Variants in CNTNAP2 observed in about 807,000 individuals in gnomAD.
CNTNAP2 encodes the protein contactin-associated protein-like 2.
In CNTNAP2, 98 loss-of-function variants were observed where a neutral mutation model predicts 155.2. That is an observed-to-expected ratio of 0.63 (90% CI 0.54 to 0.75). The LOEUF is 0.75. Among genes scored for constraint, CNTNAP2 ranks in the 30% least tolerant of loss-of-function variants. The pLI is 0.00. For synonymous variants in CNTNAP2, 651 were observed against 631.2 expected (o/e 1.03, Z -0.47); for missense variants, 1,727 against 1,688.1 (o/e 1.02, Z -0.40).
intron 9 of CNTNAP2, among the ~76,000 whole-genome samples, chr7:147,370,139 A>G (rs1409807546): frequency 7.0e-6 from 1 of 142,668 alleles, no homozygotes; most frequent in African/African-American, 2.5e-5. Flanking sequence ...CTCTGTGTGC[A>G]TGAGAGTGTG....
chr7:147,291,051 T>G (rs1805297000), intron 8 of CNTNAP2, among the ~76,000 whole-genome samples: 1 of 152,154 alleles, frequency 6.6e-6, no homozygotes, highest in South Asian at 2.1e-4. Flanking sequence ...TTTCTCTCCC[T>G]CAGAAAGTTC....
intron 8 of CNTNAP2, among the ~76,000 whole-genome samples, chr7:147,264,207 AG>A (rs1223953734): frequency 6.6e-6 from 1 of 152,212 alleles, no homozygotes; most frequent in Non-Finnish European, 1.5e-5. Context: ...ACAATTATGC[AG>A]AGCCTGAAAT....
intron 1 of CNTNAP2, among the ~76,000 whole-genome samples, chr7:146,631,850 T>G (rs992770911): frequency 6.6e-6 from 1 of 152,186 alleles, no homozygotes; most frequent in African/African-American, 2.4e-5. Flanking sequence ...CAATACTCTC[T>G]TTTGTTGTTG....
chr7:146,599,748 A>AGATAGATAGAT (rs1422130791), intron 1 of CNTNAP2, among the ~76,000 whole-genome samples: 1 of 150,732 alleles, frequency 6.6e-6, no homozygotes, highest in African/African-American at 2.4e-5. Context: ...AGACAGAGAT[A>AGATAGATAGAT]GATAGATAGA....
intron 10 of CNTNAP2, among the ~76,000 whole-genome samples, chr7:147,472,584 A>G (rs552641654): frequency 2.0e-5 from 3 of 152,276 alleles, no homozygotes; most frequent in South Asian, 4.1e-4. Context: ...GAATTAAAGC[A>G]AGGCAAGATT....
rs371079606 is a variant in CNTNAP2, at chr7:147,971,726, G to T, written c.2256-6136G>T. Among the ~76,000 whole-genome samples the T allele has an allele frequency of 2.0e-5, 3 of 152,108 alleles. No homozygotes were observed. The South Asian group carries it at 6.2e-4, about 32-fold the overall frequency. ...GGCACTTGCGTGATTTCCACTTTGG[G>T]CCTCTTATGACTAAATCTGCTATAA... is the stretch of plus-strand genomic sequence containing the variant. On this transcript the variant is annotated intron_variant, in intron 14 of 23. Transcript: ENST00000361727.
chr7:147,139,814 C>T (rs1801558616), intron 8 of CNTNAP2, among the ~76,000 whole-genome samples: 1 of 152,030 alleles, frequency 6.6e-6, no homozygotes, highest in East Asian at 1.9e-4. Flanking sequence ...TTCTTAGTCT[C>T]TTTCCTTTCT....
At chr7:146,964,511 C>T (rs1360086098) in intron 3 of CNTNAP2, among the ~76,000 whole-genome samples, 1 of 152,114 alleles carries the variant, frequency 6.6e-6, no homozygotes, top group Non-Finnish European at 1.5e-5. Context: ...TCTTCCAGCA[C>T]TAAAACTGAC....
In CNTNAP2 at chr7:147,486,000, C is replaced by G; in HGVS notation, c.1736C>G (p.Thr579Ser). 1 of 1,614,090 alleles carries G rather than the reference C, an allele frequency of 6.2e-7. No homozygotes were observed. The highest frequency in any genetic ancestry group is 2.2e-5 in the East Asian group (1 of 44,880). ...CAAACATGGGACAGCTTCAAATGCA[C>G]TTGTGATGAGACAGGATACAGTGGG... is the stretch of plus-strand genomic sequence containing the variant. ...CSQTWDSFKC[T>S]CDETGYSGAT... Residue 579 changes from threonine to serine, a missense_variant, in exon 11 of 24, where the codon ACT becomes AGT. Physicochemically the swap from Thr to Ser is moderately conservative, Grantham distance 58. Coordinates refer to ENST00000361727, the MANE Select transcript of CNTNAP2 (RefSeq NM_014141.6).
intron 1 of CNTNAP2, among the ~76,000 whole-genome samples, chr7:146,239,337 C>T (rs954796798): frequency 2.6e-5 from 4 of 151,978 alleles, no homozygotes; most frequent in Admixed American, 2.0e-4. Flanking sequence ...TTTAGCATTC[C>T]GTGGATAAAA....
intron 1 of CNTNAP2, among the ~76,000 whole-genome samples, chr7:146,326,397 G>A (rs1456082583): frequency 6.6e-6 from 1 of 152,244 alleles, no homozygotes; most frequent in East Asian, 1.9e-4. Flanking sequence ...CTCTTTTCCT[G>A]AATGCTCCTG....
intron 13 of CNTNAP2, among the ~76,000 whole-genome samples, chr7:147,641,652 G>A (rs1035934769): frequency 1.3e-5 from 2 of 152,052 alleles, no homozygotes; most frequent in African/African-American, 4.8e-5. Flanking sequence ...ATTAAATGAG[G>A]TAGATCATAA....
intron 3 of CNTNAP2, among the ~76,000 whole-genome samples, chr7:146,955,597 T>C (rs1056579178): frequency 2.0e-5 from 3 of 152,052 alleles, no homozygotes; most frequent in African/African-American, 7.2e-5. Flanking sequence ...ATTGTAAATA[T>C]GATAAGTTTA....
intron 1 of CNTNAP2, among the ~76,000 whole-genome samples, chr7:146,471,359 CT>C (rs1342330012): frequency 2.0e-5 from 3 of 152,204 alleles, no homozygotes. Context: ...TCCTTATTAG[CT>C]TGTATGAGCT....
At chr7:146,294,314 C>G (rs574969358) in intron 1 of CNTNAP2, among the ~76,000 whole-genome samples, 23 of 152,278 alleles carry the variant, frequency 1.5e-4, no homozygotes, top group African/African-American at 5.3e-4. Flanking sequence ...GCCTACCCAG[C>G]CGGACTGCGC....
At chr7:147,675,978 G>A (rs567406060) in intron 13 of CNTNAP2, among the ~76,000 whole-genome samples, 41 of 152,112 alleles carry the variant, frequency 2.7e-4, no homozygotes, top group Non-Finnish European at 4.7e-4. Context: ...AGATAATAGC[G>A]TGCATTGTAA....
intron 4 of CNTNAP2, among the ~76,000 whole-genome samples, chr7:147,083,561 T>C (rs915850946): frequency 4.9e-5 from 7 of 143,954 alleles, no homozygotes; most frequent in African/African-American, 1.8e-4. Flanking sequence ...TATATATATA[T>C]ATACACATAT....
chr7:147,558,082 A>G (rs1799985643), intron 11 of CNTNAP2, among the ~76,000 whole-genome samples: 1 of 152,218 alleles, frequency 6.6e-6, no homozygotes, highest in South Asian at 2.1e-4. Context: ...AGACAAAATA[A>G]CATAACATAT....
At chr7:148,053,536 C>A in intron 15 of CNTNAP2, among the ~76,000 whole-genome samples, 1 of 152,070 alleles carries the variant, frequency 6.6e-6, no homozygotes, top group African/African-American at 2.4e-5. Flanking sequence ...AAAACTCCTG[C>A]CAATTTTGTG....
Sources: allele counts gnomAD v4.1 joint callset (sites outside exome capture counted in the v4.1 genomes callset), GRCh38; gene constraint gnomAD v4.1.1; transcripts MANE v1.5; gene names NCBI Gene and HGNC (gene_info 2026-07-23, HGNC 2026-07-21).